LGI2: variants seen among roughly 807,000 people sequenced by gnomAD.
LGI2 encodes leucine-rich repeat LGI family member 2.
A neutral mutation model predicts 52.0 loss-of-function variants in LGI2; 30 were observed. That is an observed-to-expected ratio of 0.58 (90% CI 0.43 to 0.78). The LOEUF (loss-of-function observed/expected upper bound fraction) is 0.78, where lower values mean the gene tolerates loss of function less well. Among genes scored for constraint, LGI2 ranks in the 30% least tolerant of loss-of-function variants. The pLI is 0.00. For synonymous variants in LGI2, 270 were observed against 271.8 expected (o/e 0.99, Z 0.06); for missense variants, 573 against 692.5 (o/e 0.83, Z 1.94).
At chr4:25,023,028 G>A (rs922815400) in intron 4 of LGI2, among the ~76,000 whole-genome samples, 1 of 152,036 alleles carries the variant, frequency 6.6e-6, no homozygotes, top group Non-Finnish European at 1.5e-5. Context: ...CATGGAGGAA[G>A]TTGGGACTTA....
At chr4:25,011,581 A>G (rs1725587572) in intron 7 of LGI2, among the ~76,000 whole-genome samples, 1 of 152,210 alleles carries the variant, frequency 6.6e-6, no homozygotes, top group Admixed American at 6.5e-5. Flanking sequence ...TTCTTGCTAC[A>G]ACAGTAAAAC....
downstream of LGI2, among the ~76,000 whole-genome samples, chr4:24,994,357 G>C (rs12648866): frequency 0.6 from 91,883 of 152,014 alleles, 29,708 homozygotes; most frequent in East Asian, 0.92. Context: ...GGATAAGAAG[G>C]GTTGCCTTGT....
chr4:24,992,347 C>G, the LGI2 span, among the ~76,000 whole-genome samples: 1 of 152,138 alleles, frequency 6.6e-6, no homozygotes. Flanking sequence ...GGGTGGCTGG[C>G]TGGTGGCACA....
chr4:25,003,929 A>T lies in LGI2; in HGVS notation c.1160T>A (p.Leu387His). 1 of 1,614,180 alleles carries T rather than the reference A, an allele frequency of 6.2e-7. No individual in the cohort carries two copies. The highest frequency in any genetic ancestry group is 8.5e-7 in the Non-Finnish European group (1 of 1,180,028). Reference sequence around the variant, plus strand: ...GACCTGGGAGCGGCTGGACAGGATGAGATGCGATTTTCCATCGATATCAAC... The same window carrying T: ...GACCTGGGAGCGGCTGGACAGGATGTGATGCGATTTTCCATCGATATCAAC... ...EFVDIDGKSHLILSSRSQVPI... is the reference protein window; with the variant it reads ...EFVDIDGKSHHILSSRSQVPI... Residue 387 changes from leucine to histidine, a missense_variant, in exon 8 of 8, where the codon CTC becomes CAC. By Grantham distance (99) the Leu-to-His change is moderately conservative. Transcript: ENST00000382114.
At chr4:25,021,003 T>C (rs1475534937) in intron 4 of LGI2, among the ~76,000 whole-genome samples, 2 of 151,618 alleles carry the variant, frequency 1.3e-5, no homozygotes, top group Non-Finnish European at 1.5e-5. Flanking sequence ...TTCTGGAAAG[T>C]AAAGTACAAC....
At chr4:24,998,008 G>C (rs1725133349), downstream of LGI2, among the ~76,000 whole-genome samples, 1 of 152,096 alleles carries the variant, frequency 6.6e-6, no homozygotes, top group Non-Finnish European at 1.5e-5. Flanking sequence ...CTCCTGAGTA[G>C]CTGGGACTAG....
chr4:25,025,976 C>G (rs542754028), intron 3 of LGI2, among the ~76,000 whole-genome samples: 1 of 152,232 alleles, frequency 6.6e-6, no homozygotes, highest in East Asian at 1.9e-4. Flanking sequence ...GCTACACTTT[C>G]CATACTATGT....
rs10685375 is a variant in LGI2, at chr4:25,002,245, C to CGG, written c.*1204_*1205dup. The CGG allele has an allele frequency of 0.12, 17,581 of 152,098 alleles. 1,899 individuals are homozygous for CGG. Among genetic ancestry groups the CGG allele is most frequent in the African/African-American group, 0.29 (11,864 of 41,384 alleles). The allele number at this position is 152,098 out of a possible 1,614,324, so 9.4% of individuals were successfully genotyped here. A position where few individuals can be genotyped will look rare whatever the true frequency, so the allele number is the denominator to read the frequency against. On this transcript the variant is annotated 3_prime_UTR_variant, in exon 8 of 8. Transcript: ENST00000382114. The stretch of plus-strand genomic sequence containing the variant: ...ACACGTGGCCCCATGTGGGTCCTGG[C>CGG]GGGGGTTCCTTTGGTAAAGTACTGG...
In LGI2 at chr4:25,028,561, G is replaced by A. The variant is rs373960099; in HGVS notation, c.215C>T (p.Thr72Met). 4.8e-5 allele frequency: 77 copies of A among 1,612,996 alleles called. No individual in the cohort carries two copies. Among genetic ancestry groups the A allele is most frequent in the Admixed American group, 4.5e-4 (27 of 59,878 alleles). Reference protein sequence around the residue: ...DISSLSLVNGTFSEIKDRMFS... With the variant: ...DISSLSLVNGMFSEIKDRMFS... ...CATTCGGTCCTTGATTTCTGAAAAC[G>A]TCCCATTTACCAGGCTCCTACGGGC... The change falls in exon 2 of 8, where the codon ACG becomes ATG. Residue 72 changes from threonine to methionine, a missense_variant. Thr to Met is a moderately conservative substitution (Grantham distance 81). Coordinates refer to ENST00000382114, the MANE Select transcript of LGI2 (RefSeq NM_018176.4).
chr4:24,998,307 T>G (rs950855572), downstream of LGI2, among the ~76,000 whole-genome samples: 1 of 152,230 alleles, frequency 6.6e-6, no homozygotes, highest in Admixed American at 6.5e-5. Context: ...AGAAGCCCGA[T>G]AGCATATGGA....
downstream of LGI2, among the ~76,000 whole-genome samples, chr4:24,993,849 A>T (rs1379094497): frequency 6.6e-6 from 1 of 152,238 alleles, no homozygotes; most frequent in Non-Finnish European, 1.5e-5. Flanking sequence ...GGCAGTAAAC[A>T]TAAGGAAGAA....
intron 3 of LGI2, 63 bp downstream of exon 3, chr4:25,026,805 A>G: frequency 7.6e-7 from 1 of 1,316,056 alleles, no homozygotes; most frequent in Non-Finnish European, 1.1e-6. Context: ...CAGCACAGAA[A>G]CCAATCCAGA....
intron 2 of LGI2, 86 bp from the exon 3 acceptor site, chr4:25,027,025 G>T: frequency 9.5e-7 from 1 of 1,057,508 alleles, no homozygotes; most frequent in Non-Finnish European, 1.5e-6. Flanking sequence ...GCTACGTTTT[G>T]ATCTGTGGGC....
chr4:25,007,953 C>A (rs1351902883), intron 7 of LGI2, among the ~76,000 whole-genome samples: 1 of 152,226 alleles, frequency 6.6e-6, no homozygotes, highest in Non-Finnish European at 1.5e-5. Context: ...GGAGAATGGT[C>A]CACATTTACC....
Position 25,003,684 on chromosome 4 carries a change from G to A in LGI2, c.1405C>T (p.Pro469Ser), listed in dbSNP as rs1328755538. Reference sequence around the variant, plus strand: ...TAGTGATTATCTTTAAAAGAAAAGGGCTGCAGGGTCATGGCCCCCCGGGAT... The same window carrying A: ...TAGTGATTATCTTTAAAAGAAAAGGACTGCAGGGTCATGGCCCCCCGGGAT... The part of the protein sequence containing the change: ...LPSRGAMTLQ[P>S]FSFKDNHYLA... Residue 469 changes from proline to serine, a missense_variant, in exon 8 of 8, where the codon CCC becomes TCC. Physicochemically the swap from Pro to Ser is moderately conservative, Grantham distance 74. Transcript: ENST00000382114. The A allele has an allele frequency of 6.8e-6, 11 of 1,614,040 alleles. No individual in the cohort carries two copies. Among genetic ancestry groups the A allele is most frequent in the Non-Finnish European group, 8.5e-6 (10 of 1,180,038 alleles).
chr4:25,024,936 G>A lies in LGI2; in HGVS notation c.342-45C>T, dbSNP rs1283840048. On this transcript the variant is annotated intron_variant, in intron 3 of 7. Transcript: ENST00000382114. ...AATTAAAATGAATTTTCTCTCCTTA[G>A]TATCCCAAAAAAACTATGTTGGTAA... is the stretch of plus-strand genomic sequence containing the variant. 2.3e-6 allele frequency: 3 copies of A among 1,296,452 alleles called. No individual in the cohort carries two copies. The African/African-American group carries it at 4.5e-5, about 19-fold the overall frequency. The allele number at this position is 1,296,452 out of a possible 1,614,324, so 80.3% of individuals were successfully genotyped here. A position where few individuals can be genotyped will look rare whatever the true frequency, so the allele number is the denominator to read the frequency against.
intron 7 of LGI2, among the ~76,000 whole-genome samples, chr4:25,011,431 C>G (rs1463856794): frequency 6.6e-6 from 1 of 152,124 alleles, no homozygotes; most frequent in Middle Eastern, 3.2e-3. Context: ...CGTTGTACAT[C>G]TCACACCGAG....
chr4:25,021,476 A>T (rs193202557), intron 4 of LGI2, among the ~76,000 whole-genome samples: 4 of 152,340 alleles, frequency 2.6e-5, no homozygotes, highest in Admixed American at 2.0e-4. Context: ...GCAAATTCCA[A>T]ATAGGAACTT....
chr4:24,994,654 C>T (rs756120386), downstream of LGI2, among the ~76,000 whole-genome samples: 5 of 152,054 alleles, frequency 3.3e-5, no homozygotes, highest in East Asian at 7.7e-4. Context: ...TTTCGGGGGT[C>T]GGTGTTAGGA....
Sources: gnomAD v4.1 joint callset for allele counts (sites outside exome capture counted in the v4.1 genomes callset) on GRCh38, gnomAD v4.1.1 for gene constraint, MANE v1.5 for transcripts, NCBI Gene and HGNC (gene_info 2026-07-23, HGNC 2026-07-21) for gene names.